Variants in LPGAT1 observed in about 807,000 individuals in gnomAD.
LPGAT1 encodes the protein acyl-CoA:lysophosphatidylglycerol acyltransferase 1.
Under a neutral mutation model 47.5 loss-of-function variants are expected in LPGAT1, and 11 were observed. The ratio of observed to expected loss-of-function variants is 0.23; its 90% confidence interval spans 0.15 to 0.38. The LOEUF is 0.38. LPGAT1 is among the 10% of genes least tolerant of loss of function. The pLI is 1.00. For synonymous variants in LPGAT1, 138 were observed against 144.2 expected, an observed-to-expected ratio of 0.96 and a Z score of 0.31; for missense variants, 293 against 439.0, an observed-to-expected ratio of 0.67 and a Z score of 2.97.
At chr1:211,796,146 T>C (rs936152751) in intron 2 of LPGAT1, among the ~76,000 whole-genome samples, 11 of 152,154 alleles carry the variant, frequency 7.2e-5, no homozygotes, top group African/African-American at 2.7e-4. Flanking sequence ...ATATCTTACC[T>C]GTTTGCTTTA....
intron 2 of LPGAT1, among the ~76,000 whole-genome samples, chr1:211,816,281 T>G (rs993454907): frequency 6.6e-6 from 1 of 152,166 alleles, no homozygotes; most frequent in Non-Finnish European, 1.5e-5. Flanking sequence ...TCCTGTTGTC[T>G]CTCTCCCACA....
At chr1:211,798,626 T>C (rs1659444830) in intron 2 of LPGAT1, among the ~76,000 whole-genome samples, 2 of 152,268 alleles carry the variant, frequency 1.3e-5, no homozygotes, top group South Asian at 2.1e-4. Context: ...AAGGCTGTAG[T>C]GAGCTGTGAT....
At chr1:211,804,471 T>C (rs1274336932) in intron 2 of LPGAT1, among the ~76,000 whole-genome samples, 2 of 152,160 alleles carry the variant, frequency 1.3e-5, no homozygotes. Context: ...GGCAGAAAAT[T>C]ACCCCAAATC....
At chr1:211,806,196 G>A (rs1043353028) in intron 2 of LPGAT1, among the ~76,000 whole-genome samples, 1 of 151,470 alleles carries the variant, frequency 6.6e-6, no homozygotes, top group African/African-American at 2.4e-5. Context: ...GGAGGCAGAG[G>A]TTGCAGTGAG....
chr1:211,769,017 A>C (rs1306492601), intron 6 of LPGAT1, among the ~76,000 whole-genome samples: 1 of 152,336 alleles, frequency 6.6e-6, no homozygotes, highest in East Asian at 1.9e-4. Flanking sequence ...ATAAGGCCTT[A>C]GATACCACTC....
At chr1:211,778,341 C>CAA (rs551509650) in intron 6 of LPGAT1, among the ~76,000 whole-genome samples, 45 of 33,110 alleles carry the variant, frequency 1.4e-3, no homozygotes, top group Non-Finnish European at 2.3e-3. Context: ...GACTCTGTCT[C>CAA]AAAAAAAAAA....
Position 211,829,207 on chromosome 1 carries a change from C to G in LPGAT1, c.90G>C (p.Leu30=). 3 of 1,614,154 alleles carry G rather than the reference C, an allele frequency of 1.9e-6. No homozygotes were observed. The highest frequency in any genetic ancestry group is 2.5e-6 in the Non-Finnish European group (3 of 1,180,030). ...MRFAFMVVNN[L]VAIPSYICYV... is the part of the protein sequence containing the mutation. ...AGCAGATGTAGGATGGAATAGCAAC[C>G]AGGTTGTTGACGACCATGAAGGCAA... is the stretch of plus-strand genomic sequence containing the variant. The change falls in exon 2 of 8, where the codon CTG becomes CTC. Residue 30 remains leucine, a synonymous_variant. Coordinates refer to ENST00000366997, the MANE Select transcript of LPGAT1 (RefSeq NM_014873.3).
At chr1:211,797,680 T>G (rs1659404144) in intron 2 of LPGAT1, among the ~76,000 whole-genome samples, 1 of 152,096 alleles carries the variant, frequency 6.6e-6, no homozygotes, top group Non-Finnish European at 1.5e-5. Flanking sequence ...CCAGGACCAG[T>G]AAATATAGTA....
At chr1:211,766,803 C>CT (rs1253707144) in intron 6 of LPGAT1, among the ~76,000 whole-genome samples, 2 of 152,182 alleles carry the variant, frequency 1.3e-5, no homozygotes, top group African/African-American at 2.4e-5. Flanking sequence ...TACTGAACGT[C>CT]TATTACTTTC....
chr1:211,763,030 T>C (rs1489723860), intron 6 of LPGAT1, among the ~76,000 whole-genome samples: 1 of 152,210 alleles, frequency 6.6e-6, no homozygotes, highest in Non-Finnish European at 1.5e-5. Context: ...CAGAATATGA[T>C]AAATATTGTG....
intron 2 of LPGAT1, among the ~76,000 whole-genome samples, chr1:211,828,108 C>G (rs1571776324): frequency 6.6e-6 from 1 of 152,148 alleles, no homozygotes; most frequent in Admixed American, 6.5e-5. Flanking sequence ...TGGGAGTACC[C>G]CTCCTCACTC....
chr1:211,826,266 A>T (rs1660542055), intron 2 of LPGAT1, among the ~76,000 whole-genome samples: 1 of 152,246 alleles, frequency 6.6e-6, no homozygotes, highest in Non-Finnish European at 1.5e-5. Context: ...GTTTAATAAA[A>T]CTTTAATAAA....
At chr1:211,754,097 C>T (rs1391129566) in intron 6 of LPGAT1, among the ~76,000 whole-genome samples, 1 of 151,398 alleles carries the variant, frequency 6.6e-6, no homozygotes, top group African/African-American at 2.4e-5. Flanking sequence ...ATTATGAGAC[C>T]TCTGCCTCAG....
chr1:211,822,075 G>A (rs550824264), intron 2 of LPGAT1, among the ~76,000 whole-genome samples: 3 of 152,274 alleles, frequency 2.0e-5, no homozygotes, highest in Non-Finnish European at 4.4e-5. Context: ...ATTGGAGTTT[G>A]AAAACAAAAG....
chr1:211,820,009 G>A (rs1316476666), intron 2 of LPGAT1, among the ~76,000 whole-genome samples: 2 of 152,012 alleles, frequency 1.3e-5, no homozygotes, highest in Non-Finnish European at 2.9e-5. Flanking sequence ...AGGCAGGGGG[G>A]TGGTTTACAT....
rs1023047865 is a variant in LPGAT1, at chr1:211,830,158, G to C, written c.-28+415C>G. The C allele has an allele frequency of 1.1e-4, 106 of 983,296 alleles. No homozygotes were observed. The highest frequency in any genetic ancestry group is 1.2e-4 in the Non-Finnish European group (103 of 829,300). The allele number at this position is 983,296 out of a possible 1,614,324, so 60.9% of individuals were successfully genotyped here. A position where few individuals can be genotyped will look rare whatever the true frequency, so the allele number is the denominator to read the frequency against. Reference sequence around the variant, plus strand: ...CGGATGTGGAAGGGTCGTGGCGGCGGGCGCGGCCCGCGCGCCGGGCTCACC... The same window carrying C: ...CGGATGTGGAAGGGTCGTGGCGGCGCGCGCGGCCCGCGCGCCGGGCTCACC... On this transcript the variant is annotated intron_variant, in intron 1 of 7. Transcript: ENST00000366997. This position sits in a 1 kb window ranked among gnomAD's most constrained non-coding sequence, Gnocchi z 5.9.
At position 211,746,467 on chromosome 1, in the gene LPGAT1, TAAGA is replaced by T. The variant is rs1483760390; in HGVS notation, c.*3428_*3431del. 1 of 152,154 alleles carries T rather than the reference TAAGA, an allele frequency of 6.6e-6. No homozygotes were observed. Among genetic ancestry groups the T allele is most frequent in the Non-Finnish European group, 1.5e-5 (1 of 68,030 alleles). The allele number at this position is 152,154 out of a possible 1,614,324, so 9.4% of individuals were successfully genotyped here. Reference sequence around the variant, plus strand: ...CATAAATATATAGGCAAAAAACCCCTAAGAAACAACTTAAATCATTTAATTAGTA... The same window carrying T: ...CATAAATATATAGGCAAAAAACCCCTAACAACTTAAATCATTTAATTAGTA... On this transcript the variant is annotated 3_prime_UTR_variant, in exon 8 of 8. Transcript: ENST00000366997.
intron 6 of LPGAT1, among the ~76,000 whole-genome samples, chr1:211,760,419 C>T (rs1426375980): frequency 6.6e-6 from 1 of 152,228 alleles, no homozygotes; most frequent in South Asian, 2.1e-4. Flanking sequence ...TGCATCACTG[C>T]ACTCCGGCCT....
chr1:211,760,062 T>C (rs2102499680), intron 6 of LPGAT1, among the ~76,000 whole-genome samples: 1 of 152,366 alleles, frequency 6.6e-6, no homozygotes, highest in Middle Eastern at 3.4e-3. Context: ...GTCAGAAGGT[T>C]CTCACTTAGG....
Sources: allele counts gnomAD v4.1 joint callset (sites outside exome capture counted in the v4.1 genomes callset), GRCh38; gene constraint gnomAD v4.1.1; non-coding constraint Gnocchi (gnomAD v3.1); transcripts MANE v1.5; gene names NCBI Gene and HGNC (gene_info 2026-07-23, HGNC 2026-07-21).